The following ZNF658 variants were observed in gnomAD, a reference collection of about 807,000 sequenced individuals.
ZNF658 encodes the protein zinc finger protein 658.
In ZNF658, 46 loss-of-function variants were observed where a neutral mutation model predicts 78.0. The observed-to-expected ratio is 0.59, with a 90% CI of 0.47 to 0.75. The LOEUF (loss-of-function observed/expected upper bound fraction) is 0.75. ZNF658 is among the 30% of genes least tolerant of loss of function. The pLI, the probability that ZNF658 is intolerant of heterozygous loss-of-function variation, is 0.00. For synonymous variants in ZNF658, 279 were observed against 408.4 expected (o/e 0.68, Z 3.82); for missense variants, 785 against 1,189.3 (o/e 0.66, Z 5.00).
Position 66,929,393 on chromosome 9 carries a change from G to A in ZNF658, c.*55-2632G>A, listed in dbSNP as rs1253899497. ...TACCACACAGAGCCATTGCAGGCAC[G>A]GGGAAATTGAGAATTCTTCTTAAAG... On this transcript the variant is annotated intron_variant and NMD_transcript_variant, in intron 6 of 6. Coordinates refer to the ZNF658 transcript ENST00000622180. Among the ~76,000 whole-genome samples the A allele has an allele frequency of 3.7e-5, 5 of 133,746 alleles. No homozygotes were observed. The East Asian group carries it at 8.7e-4, about 23-fold the overall frequency. The allele number at this position is 133,746 out of a possible 152,430, so 87.7% of individuals were successfully genotyped here.
rs1822386512 is a variant in ZNF658, at chr9:66,918,191, C to A, written c.625C>A (p.Gln209Lys). Residue 209 changes from glutamine to lysine, a missense_variant, in exon 5 of 5, where the codon CAA (glutamine) becomes AAA (lysine). Gln to Lys is a moderately conservative substitution (Grantham distance 53). Transcript: ENST00000621410. The stretch of plus-strand genomic sequence containing the variant: ...TAAGAAAGATCAGCATTGGAAATTT[C>A]AAACTTTGGAGGAATCTTTTGAATG... ...SYKKDQHWKFQTLEESFECDG... is the reference protein window; with the variant it reads ...SYKKDQHWKFKTLEESFECDG... 1.9e-6 allele frequency: 3 copies of A among 1,606,476 alleles called. No homozygotes were observed. The highest frequency in any genetic ancestry group is 2.5e-6 in the Non-Finnish European group (3 of 1,177,358).
chr9:66,901,614 C>T (rs1197541486), intron 1 of ZNF658, among the ~76,000 whole-genome samples: 3 of 151,940 alleles, frequency 2.0e-5, no homozygotes, highest in Admixed American at 6.6e-5. Context: ...TGGTGCTGTG[C>T]TGTCCAATAG....
In ZNF658 at chr9:66,920,032, G is replaced by A. The variant is rs533276777; in HGVS notation, c.2466G>A (p.Gly822=). Residue 822 remains glycine, a synonymous_variant, in exon 5 of 5, where the codon GGG becomes GGA. Coordinates refer to ENST00000621410, the MANE Select transcript of ZNF658 (RefSeq NM_033160.7). ...TAGTGCATCAAAGAATTCACACAGGGGAGAAACCCTATGAATGTAACCAAT... is the reference window on the plus strand; with the variant it reads ...TAGTGCATCAAAGAATTCACACAGGAGAGAAACCCTATGAATGTAACCAAT... ...ALIVHQRIHT[G]EKPYECNQCG... 1.2e-6 allele frequency: 2 copies of A among 1,612,952 alleles called. No individual in the cohort carries two copies. Among genetic ancestry groups the A allele is most frequent in the East Asian group, 2.2e-5 (1 of 44,860 alleles).
rs577844244 is a variant in ZNF658, at chr9:66,910,781, G to A, written c.238+2047G>A. Among the ~76,000 whole-genome samples the A allele has an allele frequency of 1.3e-4, 18 of 135,242 alleles. 1 individual carries two copies. The East Asian group carries it at 1.8e-3, about 13-fold the overall frequency. The allele number at this position is 135,242 out of a possible 152,430, so 88.7% of individuals were successfully genotyped here. A position where few individuals can be genotyped will look rare whatever the true frequency, so the allele number is the denominator to read the frequency against. On this transcript the variant is annotated intron_variant, in intron 4 of 4. Transcript: ENST00000621410. ...ACTGCACTCCGGCCTGGGCAAAAGA[G>A]CGAGACTCAGTCCCAAAAAATTAAA...
downstream of ZNF658, among the ~76,000 whole-genome samples, chr9:66,926,384 TATG>T (rs1300139354): frequency 3.3e-5 from 5 of 151,842 alleles, no homozygotes; most frequent in African/African-American, 1.2e-4. Context: ...AGCAAAGTAG[TATG>T]ATAAAAAAAT....
chr9:66,930,699 A>C (rs976702219), intron 6 of ZNF658, among the ~76,000 whole-genome samples: 1 of 152,218 alleles, frequency 6.6e-6, no homozygotes, highest in East Asian at 1.9e-4. Context: ...GAATTTTCTC[A>C]CATTTTTTCA....
intron 4 of ZNF658, among the ~76,000 whole-genome samples, chr9:66,913,406 C>G (rs563002694): frequency 6.7e-6 from 1 of 148,796 alleles, no homozygotes; most frequent in Non-Finnish European, 1.5e-5. Flanking sequence ...GCCTGGGTGA[C>G]GAGAGAAACT....
chr9:66,905,576 T>A (rs1368635290), intron 2 of ZNF658, among the ~76,000 whole-genome samples: 1 of 149,728 alleles, frequency 6.7e-6, no homozygotes. Flanking sequence ...TTTCTTGTTA[T>A]TTTTCCTTCT....
chr9:66,931,806 A>C (rs1822648138), intron 6 of ZNF658, among the ~76,000 whole-genome samples: 1 of 131,592 alleles, frequency 7.6e-6, no homozygotes, highest in Non-Finnish European at 1.6e-5. Flanking sequence ...ATCATGTCAA[A>C]TATTACAAGC....
chr9:66,901,139 TTTG>T (rs1456513943), intron 1 of ZNF658: 3 of 152,184 alleles, frequency 2.0e-5, no homozygotes, highest in Non-Finnish European at 2.9e-5. Flanking sequence ...TGTAAAGCAT[TTTG>T]TTAAGTGTCT....
intron 6 of ZNF658, among the ~76,000 whole-genome samples, chr9:66,930,281 G>T (rs1245729096): frequency 7.1e-6 from 1 of 140,402 alleles, no homozygotes; most frequent in African/African-American, 2.6e-5. Flanking sequence ...AAATTTTACA[G>T]AGATCTCTTT....
At chr9:66,927,808 A>T (rs1245417539) in intron 6 of ZNF658, among the ~76,000 whole-genome samples, 60 of 136,950 alleles carry the variant, frequency 4.4e-4, no homozygotes, top group African/African-American at 1.6e-3. Flanking sequence ...TAACAGTACA[A>T]TTCATAGAAT....
At chr9:66,915,092 C>T (rs1163820712) in intron 4 of ZNF658, among the ~76,000 whole-genome samples, 3 of 137,468 alleles carry the variant, frequency 2.2e-5, no homozygotes, top group East Asian at 2.2e-4. Context: ...CACACACACA[C>T]ATACACATAT....
chr9:66,909,180 T>A (rs1822154912), intron 4 of ZNF658, among the ~76,000 whole-genome samples: 2 of 152,042 alleles, frequency 1.3e-5, no homozygotes, highest in African/African-American at 4.8e-5. Context: ...GGGATGACTG[T>A]ATATGCAGAC....
intron 6 of ZNF658, among the ~76,000 whole-genome samples, chr9:66,927,160 C>G (rs1046632345): frequency 9.2e-5 from 14 of 152,110 alleles, no homozygotes; most frequent in Admixed American, 1.3e-4. Flanking sequence ...TCAAACAACT[C>G]AGTAGATAAA....
chr9:66,908,645 G>A lies in ZNF658; in HGVS notation c.149G>A (p.Cys50Tyr), dbSNP rs375976104. ...NYSHLISVGY[C>Y]ITKPKVISKL... ...TCAATTATTTTGTTTACAGGATATT[G>A]CATTACTAAACCTAAGGTGATCTCC... The change falls in exon 4 of 5, where the codon TGC becomes TAC. Residue 50 changes from cysteine to tyrosine, a missense_variant. Physicochemically the swap from Cys to Tyr is radical, Grantham distance 194. Around this residue, in one of 12 missense-constraint regions of ZNF658, gnomAD observed 79 missense variants for 96.5 expected, o/e 0.82. Coordinates refer to ENST00000621410, the MANE Select transcript of ZNF658 (RefSeq NM_033160.7). 3.9e-6 allele frequency: 6 copies of A among 1,519,118 alleles called. No individual in the cohort carries two copies. The highest frequency in any genetic ancestry group is 1.1e-5 in the South Asian group (1 of 87,178). The allele number at this position is 1,519,118 out of a possible 1,614,324, so 94.1% of individuals were successfully genotyped here.
intron 6 of ZNF658, among the ~76,000 whole-genome samples, chr9:66,929,887 G>A (rs1156693388): frequency 7.4e-5 from 10 of 135,338 alleles, no homozygotes; most frequent in East Asian, 6.3e-4. Flanking sequence ...GGGTTCAAGC[G>A]ATTCTCCTGC....
chr9:66,900,873 G>A (rs1478478902), intron 1 of ZNF658, 37 bp downstream of exon 1: 3 of 152,160 alleles, frequency 2.0e-5, no homozygotes, highest in Non-Finnish European at 2.9e-5. Context: ...CGCGGCCCAG[G>A]AACCTGGGGA....
At chr9:66,924,056 C>T (rs1294686539), downstream of ZNF658, among the ~76,000 whole-genome samples, 1 of 149,004 alleles carries the variant, frequency 6.7e-6, no homozygotes, top group Non-Finnish European at 1.5e-5. Flanking sequence ...GAGGCTGAGG[C>T]AGGAGAATCA....
Sources: allele counts gnomAD v4.1 joint callset (sites outside exome capture counted in the v4.1 genomes callset), GRCh38; gene constraint gnomAD v4.1.1; regional missense constraint gnomAD v4.1.1; transcripts MANE v1.5; gene names NCBI Gene and HGNC (gene_info 2026-07-23, HGNC 2026-07-21).